The following WDR59 variants were observed in gnomAD, a reference collection of about 807,000 sequenced individuals.
WDR59 encodes the protein WD repeat domain 59, also known as GATOR2 complex protein WDR59.
Under a neutral mutation model 131.2 loss-of-function variants are expected in WDR59, and 100 were observed. The observed-to-expected ratio is 0.76, with a 90% CI of 0.65 to 0.90. The LOEUF is 0.90. Ranked by LOEUF, WDR59 falls within the 40% of genes least tolerant of loss-of-function variation. The pLI, the probability that WDR59 is intolerant of heterozygous loss-of-function variation, is 0.00. For missense variants in WDR59, 1,203 were observed against 1,262.2 expected, an observed-to-expected ratio of 0.95 and a Z score of 0.71; for synonymous variants, 601 against 466.2, an observed-to-expected ratio of 1.29 and a Z score of -3.72.
chr16:74,916,368 T>A, intron 11 of WDR59, 109 bp from the exon 12 acceptor site: 1 of 1,407,662 alleles, frequency 7.1e-7, no homozygotes, highest in Non-Finnish European at 9.9e-7. Context: ...GATGGGGATG[T>A]GTCAGCCAAG....
chr16:74,925,254 G>A lies in WDR59; in HGVS notation c.652-1251C>T, dbSNP rs115618486. ...GACAACCTTAAAAGGTTATATACTA[G>A]TCCGGGTGTGGTAGCTCATGCCTGT... On this transcript the variant is annotated intron_variant, in intron 8 of 25. Coordinates refer to ENST00000262144, the MANE Select transcript of WDR59 (RefSeq NM_030581.4). 9.5e-3 allele frequency among the ~76,000 whole-genome samples: 1,448 copies of A among 152,272 alleles called. 28 individuals are homozygous for A. The highest frequency in any genetic ancestry group is 0.033 in the African/African-American group (1,388 of 41,558).
At chr16:74,926,741 G>A (rs536596901) in intron 8 of WDR59, among the ~76,000 whole-genome samples, 4 of 152,176 alleles carry the variant, frequency 2.6e-5, no homozygotes, top group Non-Finnish European at 5.9e-5. Flanking sequence ...CAAAGGTTTT[G>A]CTTGGTTTGG....
intron 8 of WDR59, among the ~76,000 whole-genome samples, chr16:74,932,462 CACACAA>C (rs1436650164): frequency 6.7e-5 from 10 of 148,690 alleles, no homozygotes; most frequent in Admixed American, 1.3e-4. Context: ...CACACACACA[CACACAA>C]CTATCCTGGC....
chr16:74,939,130 C>A (rs1300769533), intron 7 of WDR59, among the ~76,000 whole-genome samples: 1 of 151,606 alleles, frequency 6.6e-6, no homozygotes, highest in Non-Finnish European at 1.5e-5. Flanking sequence ...GAGTTTGTGA[C>A]CAGTCTGGCC....
intron 7 of WDR59, among the ~76,000 whole-genome samples, chr16:74,939,005 A>G (rs1173418048): frequency 6.6e-6 from 1 of 152,016 alleles, no homozygotes; most frequent in Non-Finnish European, 1.5e-5. Flanking sequence ...GTACATCACA[A>G]AAAAAAACAA....
intron 1 of WDR59, among the ~76,000 whole-genome samples, chr16:74,977,730 G>A (rs962213853): frequency 6.6e-6 from 1 of 152,078 alleles, no homozygotes; most frequent in Non-Finnish European, 1.5e-5. Context: ...AATTGGCCTT[G>A]ATACTTATCT....
chr16:74,891,112 CAAAA>C, intron 20 of WDR59, among the ~76,000 whole-genome samples: 1 of 65,448 alleles, frequency 1.5e-5, no homozygotes. Context: ...GACTCTGTCT[CAAAA>C]AAAAAAAAAA....
intron 10 of WDR59, among the ~76,000 whole-genome samples, chr16:74,918,430 C>T (rs895705018): frequency 6.6e-6 from 1 of 152,204 alleles, no homozygotes; most frequent in South Asian, 2.1e-4. Context: ...AATGTTCGTC[C>T]TTTTACATGC....
chr16:74,921,904 CAGA>C (rs1412954601), intron 10 of WDR59, 40 bp downstream of exon 10: 2 of 1,598,336 alleles, frequency 1.3e-6, no homozygotes, highest in Admixed American at 3.4e-5. Context: ...CCGCTGTCAC[CAGA>C]GCTCAGAAGG....
At chr16:74,977,014 A>T (rs1306004533) in intron 1 of WDR59, among the ~76,000 whole-genome samples, 1 of 152,154 alleles carries the variant, frequency 6.6e-6, no homozygotes, top group Non-Finnish European at 1.5e-5. Flanking sequence ...AACAAAAACA[A>T]CAAGACTGAA....
intron 1 of WDR59, among the ~76,000 whole-genome samples, chr16:74,979,445 G>C (rs1001435277): frequency 7.0e-6 from 1 of 142,616 alleles, no homozygotes; most frequent in Non-Finnish European, 1.5e-5. Context: ...CAGCCTGGGC[G>C]ACAGAGTGAG....
intron 20 of WDR59, among the ~76,000 whole-genome samples, chr16:74,891,781 G>A (rs77424840): frequency 0.022 from 3,361 of 152,228 alleles, 66 homozygotes; most frequent in African/African-American, 0.042. Flanking sequence ...AAAATTAGCC[G>A]GGTTTGGTGG....
Position 74,893,759 on chromosome 16 carries a change from CT to C in WDR59, c.1919del (p.Gln640ArgfsTer29). On this transcript the variant is annotated frameshift_variant, in exon 19 of 26. Coordinates refer to ENST00000262144, the MANE Select transcript of WDR59 (RefSeq NM_030581.4). LOFTEE classifies it high-confidence loss of function. ...TGATGACTTTCCCAGCAGCCTTGAT[CT>C]GTCGATTGCCAGAGTCTGATCCCTC... ...KREGSDSGNR[Q>X]IKAAGKVIIQ... 1 of 1,614,222 alleles carries C rather than the reference CT, an allele frequency of 6.2e-7. No homozygotes were observed. Among genetic ancestry groups the C allele is most frequent in the Non-Finnish European group, 8.5e-7 (1 of 1,180,036 alleles).
At chr16:74,897,675 CTAAT>C (rs1166844442) in intron 18 of WDR59, among the ~76,000 whole-genome samples, 2 of 152,160 alleles carry the variant, frequency 1.3e-5, no homozygotes, top group African/African-American at 4.8e-5. Flanking sequence ...AAGGATCACC[CTAAT>C]TAGAGTTGCT....
chr16:74,924,982 C>T (rs115676766), intron 8 of WDR59, among the ~76,000 whole-genome samples: 3,248 of 152,202 alleles, frequency 0.021, 111 homozygotes, highest in African/African-American at 0.074. Flanking sequence ...AATACCACTC[C>T]TACATAACTG....
At chr16:74,954,542 G>T (rs1017802983) in intron 3 of WDR59, among the ~76,000 whole-genome samples, 2 of 152,206 alleles carry the variant, frequency 1.3e-5, no homozygotes, top group African/African-American at 4.8e-5. Flanking sequence ...TCTGTGCATT[G>T]CTGATGGGAG....
chr16:74,899,667 T>C, intron 18 of WDR59: 1 of 1,287,542 alleles, frequency 7.8e-7, no homozygotes, highest in Non-Finnish European at 1.0e-6. Flanking sequence ...ACAGGATTAG[T>C]TAAGGAGAGC....
intron 8 of WDR59, among the ~76,000 whole-genome samples, chr16:74,932,218 T>C (rs1379302273): frequency 6.6e-6 from 1 of 151,060 alleles, no homozygotes; most frequent in African/African-American, 2.4e-5. Context: ...CTTAGCTTCC[T>C]GAGTAGCTGG....
intron 2 of WDR59, among the ~76,000 whole-genome samples, chr16:74,957,635 T>C (rs546953193): frequency 4.3e-4 from 65 of 152,154 alleles, no homozygotes; most frequent in Non-Finnish European, 8.5e-4. Context: ...CCAATCAACA[T>C]GAAGGATCTG....
Sources: gnomAD v4.1 joint callset for allele counts (sites outside exome capture counted in the v4.1 genomes callset) on GRCh38, gnomAD v4.1.1 for gene constraint, MANE v1.5 for transcripts, NCBI Gene and HGNC (gene_info 2026-07-23, HGNC 2026-07-21) for gene names.